The following ALMS1 variants were observed in gnomAD, a reference collection of about 807,000 sequenced individuals.
ALMS1 encodes ALMS1 centrosome and basal body associated protein, also known as centrosome-associated protein ALMS1.
In ALMS1, 271 loss-of-function variants were observed where a neutral mutation model predicts 352.2. The observed-to-expected ratio is 0.77, with a 90% confidence interval of 0.70 to 0.85. ALMS1 has a LOEUF of 0.85. Ranked by LOEUF, ALMS1 falls within the 40% of genes least tolerant of loss-of-function variation. The probability of loss-of-function intolerance (pLI) is 0.00; values close to 1 mark genes in which losing one functional copy is unlikely to be tolerated. For synonymous variants in ALMS1, 1,865 were observed against 1,761.2 expected (o/e 1.06, Z -1.48); for missense variants, 5,445 against 4,870.7 (o/e 1.12, Z -3.51).
intron 9 of ALMS1, among the ~76,000 whole-genome samples, chr2:73,463,115 C>T (rs1454955843): frequency 2.6e-5 from 4 of 152,210 alleles, no homozygotes; most frequent in Non-Finnish European, 5.9e-5. Flanking sequence ...ACCTAATAGA[C>T]ATCTACAGAA....
chr2:73,457,995 G>A (rs1341703147), intron 9 of ALMS1: 2 of 121,636 alleles, frequency 1.6e-5, no homozygotes, highest in African/African-American at 3.2e-5. Flanking sequence ...GATTGTGCCA[G>A]TGCACTCCAG....
In ALMS1 at chr2:73,542,102, T is replaced by C. The variant is rs570201724; in HGVS notation, c.9907+7153T>C. On this transcript the variant is annotated intron_variant, in intron 12 of 22. Coordinates refer to ENST00000613296, the MANE Select transcript of ALMS1 (RefSeq NM_001378454.1). ...TTAGACCAATATCCCTGATAAACAT[T>C]GATGCAAAAATCCTCAATAAAATAC... is the stretch of plus-strand genomic sequence containing the variant. Among the ~76,000 whole-genome samples the C allele has an allele frequency of 2.3e-4, 35 of 152,210 alleles. No individual in the cohort carries two copies. In the South Asian group the frequency reaches 7.3e-3, roughly 32 times the overall value.
Position 73,426,464 on chromosome 2 carries a change from G to A in ALMS1, c.1249G>A (p.Gly417Arg), listed in dbSNP as rs1169373090. The A allele has an allele frequency of 1.9e-6, 3 of 1,613,952 alleles. No individual in the cohort carries two copies. Among genetic ancestry groups the A allele is most frequent in the Non-Finnish European group, 2.5e-6 (3 of 1,179,948 alleles). Reference sequence around the variant, plus strand: ...CTCCTATTTTGTAGAGGGCCTGCAGGGGAAGGTTGAGTCTGACGTCATTAC... The same window carrying A: ...CTCCTATTTTGTAGAGGGCCTGCAGAGGAAGGTTGAGTCTGACGTCATTAC... ...AETYLTKGLQ[G>R]KVESDVITLD... The change falls in exon 6 of 23, where the codon GGG (glycine) becomes AGG (arginine). Residue 417 changes from glycine (G) to arginine (R), a missense_variant. Gly to Arg is a moderately radical substitution (Grantham distance 125). Coordinates refer to ENST00000613296, the MANE Select transcript of ALMS1 (RefSeq NM_001378454.1).
chr2:73,483,032 T>C (rs1672748245), intron 9 of ALMS1, among the ~76,000 whole-genome samples: 6 of 152,222 alleles, frequency 3.9e-5, no homozygotes, highest in South Asian at 4.1e-4. Flanking sequence ...AGCTCCTGGA[T>C]TCATTAATTT....
At chr2:73,388,392 G>T (rs1054751092) in intron 1 of ALMS1, among the ~76,000 whole-genome samples, 2 of 152,110 alleles carry the variant, frequency 1.3e-5, no homozygotes, top group African/African-American at 2.4e-5. Flanking sequence ...ACCTTTGTAC[G>T]TGATAGTGTA....
rs76947521 is a variant in ALMS1, at chr2:73,492,115, G to A, written c.9539+617G>A. ...GGAAACCCAATTCAGGGATAAGTTC[G>A]TTAGATTTATATTATTCAGCCCAAT... On this transcript the variant is annotated intron_variant, in intron 10 of 22. Coordinates refer to ENST00000613296, the MANE Select transcript of ALMS1 (RefSeq NM_001378454.1). 5.4e-3 allele frequency among the ~76,000 whole-genome samples: 825 copies of A among 152,188 alleles called. 10 individuals are homozygous for A. Among genetic ancestry groups the A allele is most frequent in the African/African-American group, 0.018 (737 of 41,518 alleles).
In ALMS1 at chr2:73,402,047, TGTGA is replaced by T. The variant is rs779807051; in HGVS notation, c.325-6571_325-6568del. ...TGTGTGTGTGTTATGTGTGTGTGTG[TGTGA>T]GTGTGAGTGTATGTGTGTGTGTCTT... On this transcript the variant is annotated intron_variant, in intron 1 of 22. Transcript: ENST00000613296. 2.7e-3 allele frequency among the ~76,000 whole-genome samples: 374 copies of T among 139,604 alleles called. 2 individuals carry two copies. The highest frequency in any genetic ancestry group is 5.0e-3 in the African/African-American group (177 of 35,104). The allele number at this position is 139,604 out of a possible 152,430, so 91.6% of individuals were successfully genotyped here. A position where few individuals can be genotyped will look rare whatever the true frequency, so the allele number is the denominator to read the frequency against.
intron 2 of ALMS1, among the ~76,000 whole-genome samples, chr2:73,416,661 A>T (rs1390281615): frequency 6.6e-6 from 1 of 152,204 alleles, no homozygotes; most frequent in East Asian, 1.9e-4. Flanking sequence ...TCTTAGAAAC[A>T]TTTGAGTTGA....
intron 10 of ALMS1, among the ~76,000 whole-genome samples, chr2:73,500,687 C>G (rs1054119934): frequency 6.6e-6 from 1 of 152,136 alleles, no homozygotes. Flanking sequence ...AAGTCTTTCT[C>G]TCTATGCTAA....
rs534626377 is a variant in ALMS1, at chr2:73,466,662, C to G, written c.7674+11367C>G. ...ATAATAATAATAAAATAAAAAAATT[C>G]TAAGTGGTTACCTCAGACTAAACGG... On this transcript the variant is annotated intron_variant, in intron 9 of 22. Transcript: ENST00000613296. Among the ~76,000 whole-genome samples, 11 of 151,854 alleles carry G rather than the reference C, an allele frequency of 7.2e-5. No individual in the cohort carries two copies. The South Asian group carries it at 1.9e-3, about 26-fold the overall frequency.
At chr2:73,504,439 C>T (rs1423765369) in intron 10 of ALMS1, among the ~76,000 whole-genome samples, 1 of 152,130 alleles carries the variant, frequency 6.6e-6, no homozygotes, top group African/African-American at 2.4e-5. Flanking sequence ...TTCTTTAACC[C>T]CTGAAAGCCA....
chr2:73,516,501 A>C (rs1427759332), intron 10 of ALMS1, among the ~76,000 whole-genome samples: 1 of 152,204 alleles, frequency 6.6e-6, no homozygotes, highest in Admixed American at 6.5e-5. Flanking sequence ...AATCAATATC[A>C]TATTATTGCT....
At chr2:73,468,143 T>C (rs919168832) in intron 9 of ALMS1, among the ~76,000 whole-genome samples, 1 of 151,960 alleles carries the variant, frequency 6.6e-6, no homozygotes, top group Non-Finnish European at 1.5e-5. Context: ...GAAAAGGAAC[T>C]TTAAGAAGGC....
At position 73,491,438 on chromosome 2, in the gene ALMS1, T is replaced by G. The variant is rs765130642; in HGVS notation, c.9479T>G (p.Val3160Gly). The change falls in exon 10 of 23, where the codon GTG becomes GGG. Residue 3160 changes from valine to glycine, a missense_variant. Val to Gly is a moderately radical substitution (Grantham distance 109, BLOSUM62 -3). Coordinates refer to ENST00000613296, the MANE Select transcript of ALMS1 (RefSeq NM_001378454.1). ...ATAGTAACCTCCAGGCAAATACAAGTGAACATTTCAGATTTCGAAGGACAT... is the reference window on the plus strand; with the variant it reads ...ATAGTAACCTCCAGGCAAATACAAGGGAACATTTCAGATTTCGAAGGACAT... ...SQIVTSRQIQ[V>G]NISDFEGHSN... 1 of 1,614,106 alleles carries G rather than the reference T, an allele frequency of 6.2e-7. No individual in the cohort carries two copies. Among genetic ancestry groups the G allele is most frequent in the East Asian group, 2.2e-5 (1 of 44,880 alleles).
chr2:73,459,283 C>G (rs1345803346), intron 9 of ALMS1: 1 of 152,172 alleles, frequency 6.6e-6, no homozygotes, highest in East Asian at 1.9e-4. Context: ...TGATTTGTCT[C>G]AATACTTGTA....
At chr2:73,499,968 A>G (rs1673187405) in intron 10 of ALMS1, among the ~76,000 whole-genome samples, 1 of 152,314 alleles carries the variant, frequency 6.6e-6, no homozygotes, top group South Asian at 2.1e-4. Flanking sequence ...CCAGAAGCAG[A>G]TGCTGGTCCC....
In ALMS1 at chr2:73,450,158, A is replaced by G. The variant is rs758717223; in HGVS notation, c.3631A>G (p.Ile1211Val). 6 of 1,613,794 alleles carry G rather than the reference A, an allele frequency of 3.7e-6. No homozygotes were observed. The highest frequency in any genetic ancestry group is 2.2e-5 in the East Asian group (1 of 44,822). The change falls in exon 8 of 23, where the codon ATA becomes GTA. Residue 1211 changes from isoleucine (I) to valine (V), a missense_variant. By Grantham distance (29) the Ile-to-Val change is conservative (BLOSUM62 3). Transcript: ENST00000613296. ...TCAACAGACCTTGCCAGGTAGTCACATACCTGAAGAGGCACAGAAAGTTTC... is the reference window on the plus strand; with the variant it reads ...TCAACAGACCTTGCCAGGTAGTCACGTACCTGAAGAGGCACAGAAAGTTTC... ...FYQQTLPGSH[I>V]PEEAQKVSPV...
At chr2:73,471,266 T>G (rs1002313912) in intron 9 of ALMS1, among the ~76,000 whole-genome samples, 1 of 151,170 alleles carries the variant, frequency 6.6e-6, no homozygotes, top group Admixed American at 6.6e-5. Context: ...GGTATTTTCT[T>G]TGTGGTTACC....
At position 73,582,321 on chromosome 2, in the gene ALMS1, G is replaced by A. The variant is rs540750460; in HGVS notation, c.11547+8897G>A. 2.0e-4 allele frequency among the ~76,000 whole-genome samples: 30 copies of A among 152,146 alleles called. 1 individual carries two copies. The highest frequency in any genetic ancestry group is 9.8e-4 in the Admixed American group (15 of 15,288). On this transcript the variant is annotated intron_variant, in intron 16 of 22. Coordinates refer to ENST00000613296, the MANE Select transcript of ALMS1 (RefSeq NM_001378454.1). ...TCTGATGTATTTATTAAATAAAGGTGTGTTCAACTAAATTTCATTTCAAAG... is the reference window on the plus strand; with the variant it reads ...TCTGATGTATTTATTAAATAAAGGTATGTTCAACTAAATTTCATTTCAAAG...
Sources: gnomAD v4.1 joint callset for allele counts (sites outside exome capture counted in the v4.1 genomes callset) on GRCh38, gnomAD v4.1.1 for gene constraint, MANE v1.5 for transcripts, NCBI Gene and HGNC (gene_info 2026-07-23, HGNC 2026-07-21) for gene names.